Variants in LLGL2 observed in about 807,000 individuals in gnomAD.
LLGL2 encodes the protein LLGL2, scribble cell polarity complex component.
LLGL2 carries 81 observed loss-of-function variants against 123.2 expected under a neutral mutation model. That is an observed-to-expected ratio of 0.66 (90% CI 0.55 to 0.79). The LOEUF is 0.79. Among genes scored for constraint, LLGL2 ranks in the 30% least tolerant of loss-of-function variants. LLGL2 has a pLI of 0.00. For synonymous variants in LLGL2, 577 were observed against 594.1 expected, an observed-to-expected ratio of 0.97 and a Z score of 0.42; for missense variants, 1,273 against 1,414.6, an observed-to-expected ratio of 0.90 and a Z score of 1.61.
chr17:75,565,289 G>A (rs920001562), intron 10 of LLGL2, among the ~76,000 whole-genome samples: 1 of 152,230 alleles, frequency 6.6e-6, no homozygotes, highest in African/African-American at 2.4e-5. Context: ...GAAACCTGGA[G>A]AGGAGCCCTG....
chr17:75,572,898 C>A, intron 19 of LLGL2, 116 bp from the exon 20 acceptor site: 1 of 1,277,378 alleles, frequency 7.8e-7, no homozygotes, highest in Non-Finnish European at 1.1e-6. Flanking sequence ...CATCTGAGAG[C>A]CAAGGGTTTG....
At chr17:75,562,973 CT>C (rs1304955270) in intron 6 of LLGL2, 42 bp from the exon 7 acceptor site, 3 of 1,602,778 alleles carry the variant, frequency 1.9e-6, no homozygotes, top group Non-Finnish European at 2.5e-6. Context: ...GCCATTCCCC[CT>C]GGTGGACGGC....
Position 75,572,080 on chromosome 17 carries a change from C to G in LLGL2, c.2460+16C>G. 3 of 1,603,718 alleles carry G rather than the reference C, an allele frequency of 1.9e-6. No individual in the cohort carries two copies. In the Admixed American group the frequency reaches 5.0e-5, roughly 27 times the overall value. ...GCAGTTCAAGGTGCCACACGGGCAG[C>G]GGCGGGTCTCCCTGGGACTCCCCGG... On this transcript the variant is annotated intron_variant, in intron 19 of 25. Transcript: ENST00000392550.
At chr17:75,567,282 G>C (rs1396621698) in intron 10 of LLGL2, among the ~76,000 whole-genome samples, 1 of 152,126 alleles carries the variant, frequency 6.6e-6, no homozygotes, top group Non-Finnish European at 1.5e-5. Context: ...TGGCCAACAT[G>C]GTGAAACCCT....
rs1450684805 is a variant in LLGL2 at position 75,570,144 on chromosome 17, C to T, written c.1763C>T (p.Pro588Leu). 3.3e-5 allele frequency: 52 copies of T among 1,590,522 alleles called. No homozygotes were observed. Among genetic ancestry groups the T allele is most frequent in the Admixed American group, 3.1e-4 (17 of 55,258 alleles). Residue 588 changes from proline to leucine, a missense_variant, in exon 15 of 26, where the codon CCG becomes CTG. Coordinates refer to ENST00000392550, the MANE Select transcript of LLGL2 (RefSeq NM_001031803.2). ...TTCGTGTTGGTGCAGTGTCAGCCCCCGGCTGTGGTCACCTCCTTGGCCCTG... is the reference window on the plus strand; with the variant it reads ...TTCGTGTTGGTGCAGTGTCAGCCCCTGGCTGTGGTCACCTCCTTGGCCCTG... ...QPFVLVQCQP[P>L]AVVTSLALHS... is the part of the protein sequence containing the mutation.
rs1288397382 is a variant in LLGL2, at chr17:75,558,585, A to G, written c.329A>G (p.Glu110Gly). 2.5e-6 allele frequency: 4 copies of G among 1,611,204 alleles called. No homozygotes were observed. The highest frequency in any genetic ancestry group is 3.4e-6 in the Non-Finnish European group (4 of 1,179,024). ...WSLKVKGGAS[E>G]LQEDESFTLR... ...CTGAAGGTCAAGGGCGGGGCATCGG[A>G]GCTGCAGGAGGATGAGAGCTTCACA... The change falls in exon 5 of 26, where the codon GAG (glutamate) becomes GGG (glycine). Residue 110 changes from glutamate (E) to glycine (G), a missense_variant. Coordinates refer to ENST00000392550, the MANE Select transcript of LLGL2 (RefSeq NM_001031803.2). This position sits in a 1 kb window ranked among gnomAD's most constrained non-coding sequence, Gnocchi z 4.0.
intron 6 of LLGL2, among the ~76,000 whole-genome samples, chr17:75,561,937 A>T (rs1392821389): frequency 6.6e-6 from 1 of 152,120 alleles, no homozygotes; most frequent in Non-Finnish European, 1.5e-5. Flanking sequence ...AAAAAAAATT[A>T]AATATTGAAT....
intron 10 of LLGL2, chr17:75,568,235 C>T (rs937950048): frequency 4.3e-6 from 6 of 1,411,174 alleles, no homozygotes; most frequent in African/African-American, 2.9e-5. Flanking sequence ...CCCTGCCTTC[C>T]AGCCAGGTGT....
At chr17:75,541,059 G>A (rs945637633) in intron 1 of LLGL2, among the ~76,000 whole-genome samples, 6 of 152,326 alleles carry the variant, frequency 3.9e-5, no homozygotes, top group Non-Finnish European at 5.9e-5. Context: ...GTGCCCCAGG[G>A]AGCATTTGGG....
At position 75,571,096 on chromosome 17, in the gene LLGL2, G is replaced by A. The variant is rs1455296339; in HGVS notation, c.2172G>A (p.Lys724=). 1 of 1,610,346 alleles carries A rather than the reference G, an allele frequency of 6.2e-7. No individual in the cohort carries two copies. Among genetic ancestry groups the A allele is most frequent in the East Asian group, 2.2e-5 (1 of 44,816 alleles). Residue 724 remains lysine (K), a synonymous_variant, in exon 17 of 26, where the codon AAG becomes AAA. Transcript: ENST00000392550. ...RTLYFADTYL[K]DSSRHCPSLW... is the part of the protein sequence containing the mutation. ...TGTACTTTGCTGACACCTACCTGAA[G>A]GACAGTGAGTGGCCAGCCTGGGGTT...
chr17:75,558,637 C>G lies in LLGL2; in HGVS notation c.371+10C>G. On this transcript the variant is annotated intron_variant, in intron 5 of 25. Transcript: ENST00000392550. This position sits in a 1 kb window ranked among gnomAD's most constrained non-coding sequence, Gnocchi z 4.0. The stretch of plus-strand genomic sequence containing the variant: ...TGCGTGGACCCCCAGGGTAAGGGCT[C>G]AATCCCCAGCCCCTTCCACTCCCAG... 6.3e-7 allele frequency: 1 copy of G among 1,575,852 alleles called. No homozygotes were observed. The highest frequency in any genetic ancestry group is 1.8e-5 in the Admixed American group (1 of 56,024).
chr17:75,551,989 C>T (rs540920345), intron 2 of LLGL2, among the ~76,000 whole-genome samples: 2 of 151,776 alleles, frequency 1.3e-5, no homozygotes, highest in African/African-American at 2.4e-5. Context: ...ATTAGCTGGG[C>T]GTGGTGGTGC....
rs367604966 is a variant in LLGL2, at chr17:75,568,864, C to T, written c.1322+25C>T. 115 of 1,565,860 alleles carry T rather than the reference C, an allele frequency of 7.3e-5. No homozygotes were observed. The African/African-American group carries it at 1.5e-3, about 21-fold the overall frequency. ...GGTAGGGTACTTTGATGCTACCCCA[C>T]CTCTTCCCAGTAGGATATGTGGGGT... On this transcript the variant is annotated intron_variant, in intron 12 of 25. Transcript: ENST00000392550.
Position 75,559,431 on chromosome 17 carries a change from C to A in LLGL2, c.530+21C>A. The A allele has an allele frequency of 1.3e-6, 2 of 1,579,840 alleles. No individual in the cohort carries two copies. Among genetic ancestry groups the A allele is most frequent in the Non-Finnish European group, 1.7e-6 (2 of 1,163,256 alleles). On this transcript the variant is annotated intron_variant, in intron 6 of 25. Transcript: ENST00000392550. The surrounding 1 kb of genome is among the most constrained non-coding windows in gnomAD (Gnocchi z 4.6). The stretch of plus-strand genomic sequence containing the variant: ...CAGCGGTGAGCCCAGAGCCCAGCTG[C>A]TGTTAACTCCATCCCCTCAAGTTAG...
chr17:75,574,961 G>A lies in LLGL2; in HGVS notation c.*83G>A, dbSNP rs370078960. ...GGTCCCTGCCCCAACCGGAGAGGCCGGTGCACAGGGCCCCGCCAGGGGCTG... is the reference window on the plus strand; with the variant it reads ...GGTCCCTGCCCCAACCGGAGAGGCCAGTGCACAGGGCCCCGCCAGGGGCTG... On this transcript the variant is annotated 3_prime_UTR_variant, in exon 26 of 26. Transcript: ENST00000392550. 93 of 1,595,334 alleles carry A rather than the reference G, an allele frequency of 5.8e-5. 1 individual carries two copies. In the Middle Eastern group the frequency reaches 8.3e-4, roughly 14 times the overall value.
chr17:75,533,449 C>A (rs1299930648), intron 1 of LLGL2, among the ~76,000 whole-genome samples: 1 of 151,688 alleles, frequency 6.6e-6, no homozygotes, highest in Non-Finnish European at 1.5e-5. Context: ...GGACTACAGG[C>A]GCCCGCCATG....
intron 10 of LLGL2, among the ~76,000 whole-genome samples, chr17:75,567,654 A>G (rs2055502446): frequency 1.3e-5 from 2 of 151,740 alleles, no homozygotes; most frequent in Non-Finnish European, 2.9e-5. Flanking sequence ...AAAAAGAGAA[A>G]AAAAAGACTG....
intron 10 of LLGL2, among the ~76,000 whole-genome samples, chr17:75,566,098 C>T (rs182180790): frequency 2.6e-5 from 4 of 152,314 alleles, no homozygotes; most frequent in East Asian, 1.9e-4. Flanking sequence ...GGAAGGCTTG[C>T]CCTGTAGGGA....
In LLGL2 at chr17:75,570,344, C is replaced by G. The variant is rs773441984; in HGVS notation, c.1875-4C>G. ...CAGCACTGACAGCCTGCCATCCCCC[C>G]AAGGTGCACACTGCACCCCAGTGAC... On this transcript the variant is annotated splice_polypyrimidine_tract_variant and splice_region_variant and intron_variant, in intron 15 of 25. Transcript: ENST00000392550. 6.8e-6 allele frequency: 11 copies of G among 1,611,728 alleles called. No individual in the cohort carries two copies. The South Asian group carries it at 9.9e-5, about 15-fold the overall frequency.
Sources: allele counts gnomAD v4.1 joint callset (sites outside exome capture counted in the v4.1 genomes callset), GRCh38; gene constraint gnomAD v4.1.1; non-coding constraint Gnocchi (gnomAD v3.1); transcripts MANE v1.5; gene names NCBI Gene and HGNC (gene_info 2026-07-23, HGNC 2026-07-21).